The following ZCCHC7 variants were observed in gnomAD, a reference collection of about 807,000 sequenced individuals.
The protein encoded by ZCCHC7 is zinc finger CCHC domain-containing protein 7.
Under a neutral mutation model 52.0 loss-of-function variants are expected in ZCCHC7, and 35 were observed. The ratio of observed to expected loss-of-function variants is 0.67; its 90% CI spans 0.51 to 0.89. The LOEUF (loss-of-function observed/expected upper bound fraction) is 0.89. ZCCHC7 is among the 40% of genes least tolerant of loss of function. The pLI is 0.00. For synonymous variants in ZCCHC7, 217 were observed against 221.5 expected (o/e 0.98, Z 0.18); for missense variants, 574 against 649.1 (o/e 0.88, Z 1.26).
At chr9:37,210,175 G>A (rs984562903) in intron 2 of ZCCHC7, among the ~76,000 whole-genome samples, 2 of 152,008 alleles carry the variant, frequency 1.3e-5, no homozygotes, top group Non-Finnish European at 2.9e-5. Flanking sequence ...TTTTTGTCAG[G>A]AAGGGTGTTG....
chr9:37,235,958 T>C (rs1423665584), intron 2 of ZCCHC7, among the ~76,000 whole-genome samples: 1 of 152,124 alleles, frequency 6.6e-6, no homozygotes, highest in Non-Finnish European at 1.5e-5. Context: ...TCTGTTCCTC[T>C]GTTGGTGGGC....
intron 2 of ZCCHC7, among the ~76,000 whole-genome samples, chr9:37,223,154 TAAA>T (rs147063519): frequency 6.7e-6 from 1 of 149,476 alleles, no homozygotes; most frequent in African/African-American, 2.5e-5. Flanking sequence ...AGGAACAGTT[TAAA>T]AAAAAAAGTC....
intron 2 of ZCCHC7, among the ~76,000 whole-genome samples, chr9:37,151,059 G>C (rs530609504): frequency 6.6e-6 from 1 of 151,484 alleles, no homozygotes; most frequent in African/African-American, 2.4e-5. Flanking sequence ...CCGCCTCCCG[G>C]GTTTACGCCA....
intron 2 of ZCCHC7, among the ~76,000 whole-genome samples, chr9:37,187,208 A>G (rs2133079365): frequency 6.6e-6 from 1 of 152,320 alleles, no homozygotes; most frequent in Admixed American, 6.5e-5. Context: ...TGTGGTCTTG[A>G]CTAGCAGTCC....
intron 2 of ZCCHC7, among the ~76,000 whole-genome samples, chr9:37,270,804 T>TAA (rs146215816): frequency 0.35 from 51,064 of 146,522 alleles, 9,445 homozygotes; most frequent in Middle Eastern, 0.42. Context: ...TTTCCAGCAA[T>TAA]AATAAAAAAA....
intron 2 of ZCCHC7, among the ~76,000 whole-genome samples, chr9:37,297,731 A>G (rs1828852082): frequency 6.6e-6 from 1 of 152,188 alleles, no homozygotes; most frequent in Non-Finnish European, 1.5e-5. Flanking sequence ...CTGTCTCAAT[A>G]ATCTTTGGTG....
intron 5 of ZCCHC7, among the ~76,000 whole-genome samples, chr9:37,318,836 G>A (rs1715955684): frequency 6.6e-6 from 1 of 151,444 alleles, no homozygotes; most frequent in Non-Finnish European, 1.5e-5. Flanking sequence ...TCTGAAGTGG[G>A]AGAATCACAA....
At chr9:37,209,205 T>A (rs1222641623) in intron 2 of ZCCHC7, among the ~76,000 whole-genome samples, 3 of 151,880 alleles carry the variant, frequency 2.0e-5, no homozygotes, top group Non-Finnish European at 2.9e-5. Context: ...CACGCCTGGC[T>A]AACTTTTTGT....
intron 2 of ZCCHC7, among the ~76,000 whole-genome samples, chr9:37,156,196 TAGTA>T (rs746829617): frequency 5.9e-5 from 9 of 152,248 alleles, no homozygotes; most frequent in Admixed American, 2.0e-4. Flanking sequence ...CCTTTTTCGT[TAGTA>T]AGGCCACATT....
At chr9:37,189,545 C>G (rs555574773) in intron 2 of ZCCHC7, among the ~76,000 whole-genome samples, 2 of 152,288 alleles carry the variant, frequency 1.3e-5, no homozygotes, top group East Asian at 3.9e-4. Flanking sequence ...CACTACCACA[C>G]CCAGCTAATT....
chr9:37,208,916 C>A (rs193273939), intron 2 of ZCCHC7, among the ~76,000 whole-genome samples: 95 of 152,302 alleles, frequency 6.2e-4, no homozygotes, highest in African/African-American at 1.8e-3. Context: ...CTGATCTTAT[C>A]TCCTAATACT....
At chr9:37,275,840 G>C (rs1294738786) in intron 2 of ZCCHC7, among the ~76,000 whole-genome samples, 3 of 152,124 alleles carry the variant, frequency 2.0e-5, no homozygotes, top group African/African-American at 7.2e-5. Context: ...AGTAGACACG[G>C]AGTTTCACCA....
intron 2 of ZCCHC7, among the ~76,000 whole-genome samples, chr9:37,155,944 G>T (rs1820790898): frequency 6.6e-6 from 1 of 152,172 alleles, no homozygotes; most frequent in South Asian, 2.1e-4. Context: ...TAGAGTTCCT[G>T]ACCTGTCAAG....
intron 8 of ZCCHC7, among the ~76,000 whole-genome samples, chr9:37,355,415 T>A (rs898426894): frequency 6.6e-6 from 1 of 152,242 alleles, no homozygotes; most frequent in African/African-American, 2.4e-5. Flanking sequence ...TTTCTTGCTT[T>A]AAAAACAAAA....
At chr9:37,163,417 A>G (rs973829233) in intron 2 of ZCCHC7, among the ~76,000 whole-genome samples, 4 of 151,862 alleles carry the variant, frequency 2.6e-5, no homozygotes, top group Non-Finnish European at 5.9e-5. Flanking sequence ...AAAGAAAAAA[A>G]TAGCAGTTTT....
chr9:37,284,295 G>A (rs1045239226), intron 2 of ZCCHC7: 1 of 152,098 alleles, frequency 6.6e-6, no homozygotes, highest in Non-Finnish European at 1.5e-5. Context: ...GACTCTAAGC[G>A]AACAATATCT....
intron 2 of ZCCHC7, among the ~76,000 whole-genome samples, chr9:37,228,409 G>T (rs894242553): frequency 6.6e-6 from 1 of 151,600 alleles, no homozygotes; most frequent in African/African-American, 2.4e-5. Context: ...TTGAGACAGG[G>T]TCTCACTCTG....
chr9:37,291,015 A>G (rs551065861), intron 2 of ZCCHC7, among the ~76,000 whole-genome samples: 1 of 152,336 alleles, frequency 6.6e-6, no homozygotes, highest in East Asian at 1.9e-4. Flanking sequence ...CTTCACTTTT[A>G]TTATTGTGCT....
intron 5 of ZCCHC7, among the ~76,000 whole-genome samples, chr9:37,313,025 T>C (rs1829662880): frequency 6.6e-6 from 1 of 152,156 alleles, no homozygotes; most frequent in South Asian, 2.1e-4. Flanking sequence ...ACTAAAACAC[T>C]AGAATTATAT....
Sources: allele counts gnomAD v4.1 joint callset (sites outside exome capture counted in the v4.1 genomes callset), GRCh38; gene constraint gnomAD v4.1.1; transcripts MANE v1.5; gene names NCBI Gene and HGNC (gene_info 2026-07-23, HGNC 2026-07-21).